PHF2: variants seen among roughly 807,000 people sequenced by gnomAD.
PHF2 encodes the protein lysine-specific demethylase PHF2.
Under a neutral mutation model 120.5 loss-of-function variants are expected in PHF2, and 27 were observed. That is an observed-to-expected ratio of 0.22 (90% CI 0.17 to 0.31). The LOEUF is 0.31. Among genes scored for constraint, PHF2 ranks in the 10% least tolerant of loss-of-function variants. PHF2 has a pLI of 1.00. For synonymous variants in PHF2, 568 were observed against 592.5 expected (o/e 0.96, Z 0.60); for missense variants, 1,024 against 1,434.8 (o/e 0.71, Z 4.63).
chr9:93,580,637 T>C (rs1862914881), intron 1 of PHF2, among the ~76,000 whole-genome samples: 1 of 152,252 alleles, frequency 6.6e-6, no homozygotes, highest in African/African-American at 2.4e-5. Context: ...TTTCAGCTGC[T>C]TGTTCTATTG....
intron 1 of PHF2, among the ~76,000 whole-genome samples, chr9:93,606,971 A>G (rs1825552683): frequency 6.6e-6 from 1 of 151,866 alleles, no homozygotes; most frequent in Admixed American, 6.6e-5. Flanking sequence ...TCTCCGTTGT[A>G]TTGCTTTTGT....
At position 93,677,081 on chromosome 9, in the gene PHF2, C is replaced by T. The variant is rs1826931794; in HGVS notation, c.3202+118C>T. On this transcript the variant is annotated intron_variant, in intron 21 of 21. Coordinates refer to ENST00000359246, the MANE Select transcript of PHF2 (RefSeq NM_005392.4). This position sits in a 1 kb window ranked among gnomAD's most constrained non-coding sequence, Gnocchi z 4.4. ...GCAGCACATTGGGAGGGCTCCTGGGCCTTGGGTGGCAGGGTGCTGTGGTCC... is the reference window on the plus strand; with the variant it reads ...GCAGCACATTGGGAGGGCTCCTGGGTCTTGGGTGGCAGGGTGCTGTGGTCC... 1.8e-6 allele frequency: 2 copies of T among 1,140,446 alleles called. No individual in the cohort carries two copies. Among genetic ancestry groups the T allele is most frequent in the Non-Finnish European group, 1.2e-6 (1 of 824,612 alleles). 70.6% of individuals were successfully genotyped at this position (1,140,446 alleles called of 1,614,324 possible).
intron 2 of PHF2, among the ~76,000 whole-genome samples, chr9:93,633,544 A>G (rs1300059104): frequency 1.3e-5 from 2 of 152,176 alleles, no homozygotes; most frequent in Non-Finnish European, 2.9e-5. Context: ...CGCTGTCCTC[A>G]TGCTCCGCAT....
At chr9:93,651,456 C>A (rs1356489566) in intron 5 of PHF2, among the ~76,000 whole-genome samples, 1 of 152,162 alleles carries the variant, frequency 6.6e-6, no homozygotes, top group Non-Finnish European at 1.5e-5. Flanking sequence ...CCAGAGCCTT[C>A]ACATGGGCTT....
chr9:93,654,690 A>C, intron 7 of PHF2, 115 bp downstream of exon 7: 1 of 986,524 alleles, frequency 1.0e-6, no homozygotes, highest in Non-Finnish European at 1.6e-6. Flanking sequence ...CATCCCTGGC[A>C]TGCCTGCTCC....
At chr9:93,652,469 T>G (rs1181780219) in intron 5 of PHF2, among the ~76,000 whole-genome samples, 3 of 151,910 alleles carry the variant, frequency 2.0e-5, no homozygotes, top group Non-Finnish European at 4.4e-5. Context: ...GTTTTTATGT[T>G]TTTAGTAGAG....
intron 1 of PHF2, among the ~76,000 whole-genome samples, chr9:93,604,581 C>T (rs1825505410): frequency 6.6e-6 from 1 of 151,868 alleles, no homozygotes; most frequent in Admixed American, 6.6e-5. Context: ...TCTCCTGCCT[C>T]AGCCTCCCAA....
chr9:93,644,522 C>G (rs1826222052), intron 3 of PHF2, among the ~76,000 whole-genome samples: 1 of 152,206 alleles, frequency 6.6e-6, no homozygotes. Flanking sequence ...CTGCCACTGT[C>G]TGTCCGCGTC....
At chr9:93,609,006 T>C (rs1241231121) in intron 1 of PHF2, among the ~76,000 whole-genome samples, 1 of 151,458 alleles carries the variant, frequency 6.6e-6, no homozygotes, top group Non-Finnish European at 1.5e-5. Flanking sequence ...TTTTATGCCT[T>C]CTCTGGCTTT....
chr9:93,643,995 C>G (rs1826211818), intron 3 of PHF2, among the ~76,000 whole-genome samples: 1 of 152,180 alleles, frequency 6.6e-6, no homozygotes, highest in Non-Finnish European at 1.5e-5. Context: ...GTGCCCTGAG[C>G]CTCCTGATGC....
At chr9:93,593,753 T>G (rs547955271) in intron 1 of PHF2, among the ~76,000 whole-genome samples, 2 of 152,366 alleles carry the variant, frequency 1.3e-5, no homozygotes, top group East Asian at 3.9e-4. Context: ...AAGGCTTTAA[T>G]GCTATGGGGA....
intron 2 of PHF2, among the ~76,000 whole-genome samples, chr9:93,634,137 C>T (rs888477743): frequency 6.6e-6 from 1 of 152,076 alleles, no homozygotes; most frequent in Non-Finnish European, 1.5e-5. Context: ...CCACTTGGCT[C>T]CCCCATGGAG....
rs1826601675 is a variant in PHF2, at chr9:93,662,810, A to G, written c.1699-97A>G. 5 of 1,465,592 alleles carry G rather than the reference A, an allele frequency of 3.4e-6. No individual in the cohort carries two copies. The South Asian group carries it at 5.0e-5, about 15-fold the overall frequency. The allele number at this position is 1,465,592 out of a possible 1,614,324, so 90.8% of individuals were successfully genotyped here. A position where few individuals can be genotyped will look rare whatever the true frequency, so the allele number is the denominator to read the frequency against. On this transcript the variant is annotated intron_variant, in intron 12 of 21. Transcript: ENST00000359246. ...TAGATGGATGGAGGCTTGAGCTGCA[A>G]GCACATGGGCCAGAAGAAGACAGGG...
At chr9:93,672,724 A>G (rs1195427437) in intron 17 of PHF2, 2 of 984,356 alleles carry the variant, frequency 2.0e-6, no homozygotes, top group Non-Finnish European at 2.4e-6. Flanking sequence ...GAGTAGGTAC[A>G]GGTGTAGATG....
intron 3 of PHF2, among the ~76,000 whole-genome samples, chr9:93,645,321 C>T (rs997658776): frequency 6.6e-6 from 1 of 152,236 alleles, no homozygotes; most frequent in African/African-American, 2.4e-5. Context: ...TGCTCAGGCC[C>T]AGGCGCCTCC....
intron 1 of PHF2, among the ~76,000 whole-genome samples, chr9:93,598,124 G>C (rs1303910162): frequency 6.6e-6 from 1 of 152,186 alleles, no homozygotes; most frequent in African/African-American, 2.4e-5. Flanking sequence ...AGCTCCTCAG[G>C]CCCCTTGCGG....
At chr9:93,655,869 A>T in intron 7 of PHF2, 65 bp from the exon 8 acceptor site, 1 of 1,220,296 alleles carries the variant, frequency 8.2e-7, no homozygotes, top group Non-Finnish European at 1.2e-6. Flanking sequence ...TCCCTGATCT[A>T]GAGCCATGAG....
chr9:93,630,205 T>C, intron 2 of PHF2, 150 bp downstream of exon 2: 1 of 714,338 alleles, frequency 1.4e-6, no homozygotes, highest in South Asian at 1.7e-5. Context: ...CTGGGGACCC[T>C]GCCAGCCTAG....
intron 2 of PHF2, among the ~76,000 whole-genome samples, chr9:93,630,437 A>G (rs896171112): frequency 1.3e-5 from 2 of 152,152 alleles, no homozygotes; most frequent in Non-Finnish European, 2.9e-5. Context: ...CCACTGCTAC[A>G]CGGGGGGCCC....
Sources: allele counts gnomAD v4.1 joint callset (sites outside exome capture counted in the v4.1 genomes callset), GRCh38; gene constraint gnomAD v4.1.1; non-coding constraint Gnocchi (gnomAD v3.1); transcripts MANE v1.5; gene names NCBI Gene and HGNC (gene_info 2026-07-23, HGNC 2026-07-21).